Variants in ARHGEF28 observed in about 807,000 individuals in gnomAD.
ARHGEF28 encodes 190 kDa guanine nucleotide exchange factor.
ARHGEF28 carries 152 observed loss-of-function variants against 206.6 expected under a neutral mutation model. The ratio of observed to expected loss-of-function variants is 0.74; its 90% CI spans 0.64 to 0.84. The LOEUF is 0.84. Ranked by LOEUF, ARHGEF28 falls within the 40% of genes least tolerant of loss-of-function variation. The probability of loss-of-function intolerance (pLI) is 0.00; values close to 1 mark genes in which losing one functional copy is unlikely to be tolerated. For missense variants in ARHGEF28, 2,028 were observed against 2,073.2 expected, an observed-to-expected ratio of 0.98 and a Z score of 0.42; for synonymous variants, 763 against 776.4, an observed-to-expected ratio of 0.98 and a Z score of 0.29.
At chr5:73,808,201 A>G (rs905093309) in intron 9 of ARHGEF28, among the ~76,000 whole-genome samples, 2 of 151,920 alleles carry the variant, frequency 1.3e-5, no homozygotes, top group African/African-American at 4.8e-5. Flanking sequence ...ATTCATGTCT[A>G]TTTTATGTGA....
intron 1 of ARHGEF28, among the ~76,000 whole-genome samples, chr5:73,676,853 G>A (rs1377883991): frequency 6.6e-6 from 1 of 152,182 alleles, no homozygotes; most frequent in Non-Finnish European, 1.5e-5. Context: ...TTCAGGCTTT[G>A]TAGAATTAGG....
At position 73,909,413 on chromosome 5, in the gene ARHGEF28, C is replaced by T. The variant is rs920063582; in HGVS notation, c.4163C>T (p.Ala1388Val). 1.6e-5 allele frequency: 25 copies of T among 1,592,896 alleles called. No individual in the cohort carries two copies. The highest frequency in any genetic ancestry group is 2.1e-5 in the Non-Finnish European group (25 of 1,165,354). ...NLTRLLYSLQ[A>V]ALTIQDSHIE... ...TTTTTCCTCTGTCTGCTCTGACAGG[C>T]CGCCTTGACCATTCAGGACAGCCAC... The change falls in exon 34 of 36, where the codon GCC (alanine) becomes GTC (valine). Residue 1388 changes from alanine (A) to valine (V), a missense_variant and splice_region_variant. Ala to Val is a moderately conservative substitution (Grantham distance 64, BLOSUM62 0). Coordinates refer to ENST00000513042, the MANE Select transcript of ARHGEF28 (RefSeq NM_001177693.2).
chr5:73,718,065 TG>T (rs1041906861), intron 2 of ARHGEF28, among the ~76,000 whole-genome samples: 1 of 152,064 alleles, frequency 6.6e-6, no homozygotes, highest in Non-Finnish European at 1.5e-5. Context: ...TTAGTAGAGA[TG>T]GGGTTTCACT....
At chr5:73,790,545 A>G (rs1264960450) in intron 7 of ARHGEF28, among the ~76,000 whole-genome samples, 4 of 152,102 alleles carry the variant, frequency 2.6e-5, no homozygotes, top group Admixed American at 2.6e-4. Flanking sequence ...TGTTGAATTG[A>G]GTGGAATGTT....
intron 1 of ARHGEF28, among the ~76,000 whole-genome samples, chr5:73,647,310 A>G (rs1367299307): frequency 3.3e-5 from 5 of 152,228 alleles, no homozygotes; most frequent in African/African-American, 1.2e-4. Context: ...TCCCCAAGAT[A>G]TCTCATTATG....
rs573695149 is a variant in ARHGEF28 at position 73,780,759 on chromosome 5, T to A, written c.910+14T>A. On this transcript the variant is annotated intron_variant, in intron 7 of 35. Transcript: ENST00000513042. ...AAACTGAAGAAGGTACGCATGCTCC[T>A]TTCCCACTTATGGCAGCCACAGAGT... is the stretch of plus-strand genomic sequence containing the variant. 5.1e-6 allele frequency: 8 copies of A among 1,553,710 alleles called. No homozygotes were observed. In the South Asian group the frequency reaches 9.5e-5, roughly 18 times the overall value.
intron 4 of ARHGEF28, among the ~76,000 whole-genome samples, chr5:73,761,542 G>A (rs982558669): frequency 3.3e-5 from 5 of 152,044 alleles, no homozygotes; most frequent in African/African-American, 1.2e-4. Context: ...CCTTTACTTG[G>A]CCCAGTGTTG....
chr5:73,879,213 G>T (rs551285964), intron 22 of ARHGEF28, among the ~76,000 whole-genome samples: 2 of 151,946 alleles, frequency 1.3e-5, no homozygotes, highest in East Asian at 3.9e-4. Context: ...CCAGCTGATC[G>T]CATCGGCTCC....
chr5:73,780,455 G>A (rs1051517757), intron 6 of ARHGEF28: 1 of 537,644 alleles, frequency 1.9e-6, no homozygotes, highest in African/African-American at 1.9e-5. Context: ...AAAGATTAGT[G>A]GCAGGGACTT....
chr5:73,780,369 G>C, intron 6 of ARHGEF28: 1 of 312,492 alleles, frequency 3.2e-6, no homozygotes, highest in Non-Finnish European at 6.1e-6. Context: ...CTGGCGTCAA[G>C]ATTTTCGGTT....
intron 1 of ARHGEF28, among the ~76,000 whole-genome samples, chr5:73,678,687 A>G (rs1208848338): frequency 6.6e-6 from 1 of 152,204 alleles, no homozygotes; most frequent in African/African-American, 2.4e-5. Flanking sequence ...GCTATGCCTA[A>G]TTCTACAAAG....
intron 2 of ARHGEF28, among the ~76,000 whole-genome samples, chr5:73,742,729 C>T (rs1751510697): frequency 6.7e-6 from 1 of 148,408 alleles, no homozygotes; most frequent in Non-Finnish European, 1.5e-5. Context: ...GAGGCTGAGG[C>T]AGGAGAATGG....
intron 1 of ARHGEF28, among the ~76,000 whole-genome samples, chr5:73,663,712 A>G (rs868101143): frequency 5.9e-5 from 9 of 152,208 alleles, no homozygotes; most frequent in Middle Eastern, 3.2e-3. Flanking sequence ...GCCCTTTGTA[A>G]TATTCAGGAC....
intron 4 of ARHGEF28, among the ~76,000 whole-genome samples, chr5:73,754,612 A>C (rs1271507717): frequency 6.6e-6 from 1 of 152,204 alleles, no homozygotes; most frequent in Non-Finnish European, 1.5e-5. Context: ...AAAATGAAGT[A>C]TTAATAAAAT....
chr5:73,847,495 G>A (rs956835179), intron 12 of ARHGEF28, among the ~76,000 whole-genome samples: 11 of 152,070 alleles, frequency 7.2e-5, no homozygotes, highest in Admixed American at 5.2e-4. Context: ...CAGAGCTGCC[G>A]TAATCTTTTG....
intron 1 of ARHGEF28, among the ~76,000 whole-genome samples, chr5:73,663,890 C>T (rs1486325462): frequency 6.6e-6 from 1 of 152,182 alleles, no homozygotes; most frequent in South Asian, 2.1e-4. Context: ...TATGTAGTTA[C>T]GTTTGTGCAA....
intron 2 of ARHGEF28, among the ~76,000 whole-genome samples, chr5:73,724,901 A>G (rs1750183469): frequency 6.6e-6 from 1 of 152,218 alleles, no homozygotes. Context: ...CAACACCTAA[A>G]TAAATACCTG....
chr5:73,868,210 A>T lies in ARHGEF28; in HGVS notation c.2408A>T (p.Glu803Val). The change falls in exon 20 of 36, where the codon GAG becomes GTG. Residue 803 changes from glutamate (E) to valine (V), a missense_variant. Around this residue, in one of 3 missense-constraint regions of ARHGEF28, gnomAD observed 1,002 missense variants for 1,015.3 expected, o/e 0.99. Coordinates refer to ENST00000513042, the MANE Select transcript of ARHGEF28 (RefSeq NM_001177693.2). Reference sequence around the variant, plus strand: ...TCCATGGGCTCTTCTCCCTCTACAGAGTCTTTCATAATGGAAGGTGAGGAG... The same window carrying T: ...TCCATGGGCTCTTCTCCCTCTACAGTGTCTTTCATAATGGAAGGTGAGGAG... ...LQSMGSSPST[E>V]SFIMEDVVDS... 6.3e-7 allele frequency: 1 copy of T among 1,587,406 alleles called. No homozygotes were observed. The highest frequency in any genetic ancestry group is 8.6e-7 in the Non-Finnish European group (1 of 1,165,684).
At chr5:73,743,234 G>T (rs1751539795) in intron 2 of ARHGEF28, among the ~76,000 whole-genome samples, 1 of 152,108 alleles carries the variant, frequency 6.6e-6, no homozygotes, top group Non-Finnish European at 1.5e-5. Flanking sequence ...CATTTTAAAA[G>T]ATATTTTTGT....
Sources: gnomAD v4.1 joint callset for allele counts (sites outside exome capture counted in the v4.1 genomes callset) on GRCh38, gnomAD v4.1.1 for gene constraint, gnomAD v4.1.1 regional missense constraint, MANE v1.5 for transcripts, NCBI Gene and HGNC (gene_info 2026-07-23, HGNC 2026-07-21) for gene names.